Variants in C12orf56 observed in about 807,000 individuals in gnomAD.
The protein encoded by C12orf56 is uncharacterized protein C12orf56.
In C12orf56, 71 loss-of-function variants were observed where a neutral mutation model predicts 69.9. The observed-to-expected ratio is 1.02, with a 90% CI of 0.84 to 1.24. The LOEUF (loss-of-function observed/expected upper bound fraction) is 1.24. C12orf56 is among the 50% of genes most tolerant of loss of function. The pLI is 0.00. For synonymous variants in C12orf56, 276 were observed against 274.1 expected (o/e 1.01, Z -0.07); for missense variants, 732 against 738.5 (o/e 0.99, Z 0.10).
intron 6 of C12orf56, among the ~76,000 whole-genome samples, chr12:64,303,330 A>G (rs1239899445): frequency 6.7e-6 from 1 of 149,062 alleles, no homozygotes; most frequent in Non-Finnish European, 1.5e-5. Flanking sequence ...CTCACTGTCT[A>G]TATATCTTGT....
At chr12:64,361,969 T>C (rs1188788953) in intron 1 of C12orf56, among the ~76,000 whole-genome samples, 2 of 152,124 alleles carry the variant, frequency 1.3e-5, no homozygotes, top group Admixed American at 1.3e-4. Context: ...TGACCTCAGG[T>C]CATCTGCCCA....
intron 2 of C12orf56, among the ~76,000 whole-genome samples, chr12:64,342,514 G>A (rs915259195): frequency 3.9e-5 from 6 of 152,214 alleles, no homozygotes; most frequent in Non-Finnish European, 5.9e-5. Flanking sequence ...GGGGAGAGAA[G>A]GCAGGGTGGC....
Position 64,379,371 on chromosome 12 carries a change from G to T in C12orf56, c.252+10943C>A, listed in dbSNP as rs140489551. Reference sequence around the variant, plus strand: ...CGCATCTCTGCTCACTGCAAGCTCCGCCTCTCGGGTTCACGCCATTCTCCT... The same window carrying T: ...CGCATCTCTGCTCACTGCAAGCTCCTCCTCTCGGGTTCACGCCATTCTCCT... On this transcript the variant is annotated intron_variant, in intron 1 of 12. Transcript: ENST00000543942. 1.1e-4 allele frequency among the ~76,000 whole-genome samples: 17 copies of T among 150,912 alleles called. No homozygotes were observed. In the East Asian group the frequency reaches 3.4e-3, roughly 30 times the overall value.
chr12:64,304,825 G>C (rs2038490900), intron 5 of C12orf56, among the ~76,000 whole-genome samples: 1 of 152,138 alleles, frequency 6.6e-6, no homozygotes, highest in African/African-American at 2.4e-5. Context: ...GAAGTTGTGG[G>C]GGGGTTTAAG....
At chr12:64,309,491 G>GT (rs869043589) in intron 5 of C12orf56, among the ~76,000 whole-genome samples, 1 of 59,408 alleles carries the variant, frequency 1.7e-5, no homozygotes, top group African/African-American at 5.2e-5. Flanking sequence ...TACTCACACT[G>GT]TTTTTTTGTT....
intron 1 of C12orf56, among the ~76,000 whole-genome samples, chr12:64,373,770 G>A (rs974137147): frequency 5.3e-5 from 8 of 152,118 alleles, no homozygotes; most frequent in African/African-American, 9.7e-5. Flanking sequence ...TGAATCTACC[G>A]ATAATTTTTT....
At chr12:64,338,813 C>G (rs77623908) in intron 2 of C12orf56, 4 of 1,105,252 alleles carry the variant, frequency 3.6e-6, no homozygotes, top group Non-Finnish European at 4.1e-6. Flanking sequence ...AAAGCTAGGC[C>G]GGTGAGCAGC....
chr12:64,295,265 GC>G (rs1160721493), intron 6 of C12orf56, among the ~76,000 whole-genome samples: 1 of 152,166 alleles, frequency 6.6e-6, no homozygotes, highest in Non-Finnish European at 1.5e-5. Flanking sequence ...CTTATTGATT[GC>G]CAGCTATGTG....
chr12:64,357,963 C>T (rs1459600545), intron 1 of C12orf56, among the ~76,000 whole-genome samples: 2 of 152,128 alleles, frequency 1.3e-5, no homozygotes, highest in African/African-American at 4.8e-5. Context: ...ACATACCCTA[C>T]AAAGCCTCCA....
chr12:64,308,923 AG>A (rs1321266992), intron 5 of C12orf56, among the ~76,000 whole-genome samples: 33 of 66,910 alleles, frequency 4.9e-4, no homozygotes, highest in African/African-American at 1.7e-3. Flanking sequence ...AAAGAAAGAA[AG>A]AAAGAAAGAA....
At position 64,326,398 on chromosome 12, in the gene C12orf56, C is replaced by T. The variant is rs79895735; in HGVS notation, c.488+4562G>A. 1.9e-4 allele frequency among the ~76,000 whole-genome samples: 29 copies of T among 152,250 alleles called. No individual in the cohort carries two copies. In the East Asian group the frequency reaches 5.4e-3, roughly 28 times the overall value. On this transcript the variant is annotated intron_variant, in intron 3 of 12. Coordinates refer to ENST00000543942, the MANE Select transcript of C12orf56 (RefSeq NM_001170633.2). ...TTTCATGCCTGCTAAAATGGAAATC[C>T]CACCAAAGGAATAACCATTTTAAAT...
chr12:64,281,323 C>T (rs1047173973), intron 8 of C12orf56, among the ~76,000 whole-genome samples: 6 of 151,988 alleles, frequency 3.9e-5, no homozygotes, highest in East Asian at 1.9e-4. Context: ...ATAATCCTAG[C>T]ACTTTGGGAG....
intron 1 of C12orf56, among the ~76,000 whole-genome samples, chr12:64,378,330 T>G (rs1185061383): frequency 6.6e-6 from 1 of 152,182 alleles, no homozygotes; most frequent in African/African-American, 2.4e-5. Flanking sequence ...GTACATAAAT[T>G]TACTAAGTTA....
Position 64,299,621 on chromosome 12 carries a change from G to C in C12orf56, c.1113+4014C>G, listed in dbSNP as rs139749691. Among the ~76,000 whole-genome samples, 12 of 152,194 alleles carry C rather than the reference G, an allele frequency of 7.9e-5. No individual in the cohort carries two copies. The East Asian group carries it at 1.9e-3, about 25-fold the overall frequency. On this transcript the variant is annotated intron_variant, in intron 6 of 12. Coordinates refer to ENST00000543942, the MANE Select transcript of C12orf56 (RefSeq NM_001170633.2). ...GTTTTGGCCTGAGGGAGAATACAAAGATAAGTAAGACATATACTTGTCCTA... is the reference window on the plus strand; with the variant it reads ...GTTTTGGCCTGAGGGAGAATACAAACATAAGTAAGACATATACTTGTCCTA...
chr12:64,282,544 G>GC (rs2038143188), intron 8 of C12orf56, among the ~76,000 whole-genome samples: 3 of 149,864 alleles, frequency 2.0e-5, no homozygotes, highest in Non-Finnish European at 4.5e-5. Flanking sequence ...GGGGTAAGAG[G>GC]GGGCAGATCA....
intron 6 of C12orf56, among the ~76,000 whole-genome samples, chr12:64,293,020 A>C (rs1293815242): frequency 6.6e-6 from 1 of 151,278 alleles, no homozygotes; most frequent in East Asian, 2.0e-4. Flanking sequence ...TGGGCGTAGG[A>C]CCCTCCGAGC....
chr12:64,327,792 T>C (rs2038863333), intron 3 of C12orf56, among the ~76,000 whole-genome samples: 1 of 152,228 alleles, frequency 6.6e-6, no homozygotes, highest in Non-Finnish European at 1.5e-5. Flanking sequence ...TTTTTTGATG[T>C]TTGGCTTCAA....
chr12:64,378,319 G>A (rs898051749), intron 1 of C12orf56, among the ~76,000 whole-genome samples: 9 of 152,058 alleles, frequency 5.9e-5, no homozygotes, highest in Non-Finnish European at 1.3e-4. Flanking sequence ...CTTAAAAACC[G>A]GTACATAAAT....
chr12:64,317,741 C>G (rs1360738981), intron 4 of C12orf56, among the ~76,000 whole-genome samples: 1 of 151,322 alleles, frequency 6.6e-6, no homozygotes. Flanking sequence ...GCCTGGGTGA[C>G]AAGAGCGAAA....
Sources: allele counts gnomAD v4.1 joint callset (sites outside exome capture counted in the v4.1 genomes callset), GRCh38; gene constraint gnomAD v4.1.1; transcripts MANE v1.5; gene names NCBI Gene and HGNC (gene_info 2026-07-23, HGNC 2026-07-21).